The following KIF26B variants were observed in gnomAD, a reference collection of about 807,000 sequenced individuals.
KIF26B encodes the protein kinesin family member 26B, also known as kinesin-like protein KIF26B.
A neutral mutation model predicts 151.2 loss-of-function variants in KIF26B; 63 were observed. That is an observed-to-expected ratio of 0.42 (90% CI 0.34 to 0.51). The LOEUF (loss-of-function observed/expected upper bound fraction) is 0.51. Ranked by LOEUF, KIF26B falls within the 20% of genes least tolerant of loss-of-function variation. KIF26B has a pLI of 0.07. For missense variants in KIF26B, 2,813 were observed against 2,913.6 expected (o/e 0.97, Z 0.79); for synonymous variants, 1,357 against 1,262.1 (o/e 1.08, Z -1.59).
intron 2 of KIF26B, among the ~76,000 whole-genome samples, chr1:245,283,835 C>T (rs1047968707): frequency 6.6e-6 from 1 of 152,036 alleles, no homozygotes; most frequent in Admixed American, 6.6e-5. Flanking sequence ...CTACAGGTGC[C>T]CACCACCATG....
chr1:245,465,030 G>C (rs1388239718), intron 4 of KIF26B, among the ~76,000 whole-genome samples: 1 of 143,962 alleles, frequency 6.9e-6, no homozygotes, highest in Non-Finnish European at 1.5e-5. Flanking sequence ...CCAGGCTGGA[G>C]TGCAGGGGCG....
intron 5 of KIF26B, among the ~76,000 whole-genome samples, chr1:245,558,747 G>T (rs141998921): frequency 6.6e-6 from 1 of 152,162 alleles, no homozygotes; most frequent in African/African-American, 2.4e-5. Flanking sequence ...ACAACATAAC[G>T]TCGGGGAAAA....
chr1:245,446,590 C>A (rs1430886155), intron 4 of KIF26B, among the ~76,000 whole-genome samples: 1 of 152,086 alleles, frequency 6.6e-6, no homozygotes, highest in African/African-American at 2.4e-5. Context: ...AAGGCCATCT[C>A]CTTTTGGTCA....
intron 10 of KIF26B, among the ~76,000 whole-genome samples, chr1:245,681,356 C>T (rs2147949694): frequency 6.6e-6 from 1 of 152,168 alleles, no homozygotes; most frequent in Admixed American, 6.5e-5. Flanking sequence ...AATACAGGTG[C>T]CCGCCACCAC....
At chr1:245,541,568 G>A (rs1334547852) in intron 5 of KIF26B, among the ~76,000 whole-genome samples, 2 of 152,210 alleles carry the variant, frequency 1.3e-5, no homozygotes, top group Non-Finnish European at 2.9e-5. Flanking sequence ...TCCGAGGAAA[G>A]CGTTTGGGTG....
chr1:245,269,677 C>T (rs11587597), intron 2 of KIF26B, among the ~76,000 whole-genome samples: 151,356 of 152,074 alleles, frequency 1, 75,326 homozygotes, highest in South Asian at 1. Flanking sequence ...GTTGGCCAGG[C>T]TGATCTCGAA....
chr1:245,383,979 C>G (rs771969915), intron 3 of KIF26B, among the ~76,000 whole-genome samples: 1 of 152,206 alleles, frequency 6.6e-6, no homozygotes, highest in Non-Finnish European at 1.5e-5. Flanking sequence ...ACTGTGCAGA[C>G]AGCAAAGAGA....
At chr1:245,671,384 G>A (rs896427637) in intron 10 of KIF26B, among the ~76,000 whole-genome samples, 26 of 152,162 alleles carry the variant, frequency 1.7e-4, no homozygotes, top group African/African-American at 5.8e-4. Flanking sequence ...ACACCCCAAA[G>A]GACAAATATT....
chr1:245,435,085 A>ATCTC (rs1266082880), intron 4 of KIF26B, among the ~76,000 whole-genome samples: 14 of 150,118 alleles, frequency 9.3e-5, no homozygotes, highest in African/African-American at 3.4e-4. Context: ...CCATCCATCC[A>ATCTC]TCCATCCATC....
intron 2 of KIF26B, among the ~76,000 whole-genome samples, chr1:245,299,330 T>G (rs935794756): frequency 2.7e-5 from 4 of 150,404 alleles, no homozygotes; most frequent in African/African-American, 4.9e-5. Flanking sequence ...GTTTTTTTTT[T>G]TTTTTTTTTT....
intron 2 of KIF26B, among the ~76,000 whole-genome samples, chr1:245,233,604 A>T (rs1670042840): frequency 6.6e-6 from 1 of 152,166 alleles, no homozygotes; most frequent in African/African-American, 2.4e-5. Context: ...CTAGAACAAG[A>T]TTGATTTGCC....
chr1:245,686,974 G>C lies in KIF26B; in HGVS notation c.3991G>C (p.Glu1331Gln), dbSNP rs995731813. ...CCAGAACACCGCTGTGGTGTGCAGAGAGAAGCCCAAGGCCAGCCCCGACAA... is the reference window on the plus strand; with the variant it reads ...CCAGAACACCGCTGTGGTGTGCAGACAGAAGCCCAAGGCCAGCCCCGACAA... ...SLQNTAVVCR[E>Q]KPKASPDNLL... is the part of the protein sequence containing the mutation. Residue 1331 changes from glutamate to glutamine, a missense_variant, in exon 12 of 15, where the codon GAG becomes CAG. Around this residue, in one of 3 missense-constraint regions of KIF26B, gnomAD observed 2,060 missense variants for 2,088.6 expected, o/e 0.99. Transcript: ENST00000407071. The surrounding 1 kb of genome is among the most constrained non-coding windows in gnomAD (Gnocchi z 5.6). The C allele has an allele frequency of 6.2e-7, 1 of 1,613,612 alleles. No individual in the cohort carries two copies. The highest frequency in any genetic ancestry group is 8.5e-7 in the Non-Finnish European group (1 of 1,179,834).
chr1:245,260,658 G>A (rs536692223), intron 2 of KIF26B, among the ~76,000 whole-genome samples: 24 of 152,292 alleles, frequency 1.6e-4, no homozygotes, highest in African/African-American at 5.3e-4. Context: ...CAGGAAGAGG[G>A]AAGTACTTCT....
intron 2 of KIF26B, among the ~76,000 whole-genome samples, chr1:245,356,852 A>G (rs1273086088): frequency 2.0e-5 from 3 of 152,068 alleles, no homozygotes; most frequent in African/African-American, 4.8e-5. Flanking sequence ...GTGGTTAGGG[A>G]GTGTTGGGGC....
chr1:245,565,977 G>A (rs2043005446), intron 5 of KIF26B, among the ~76,000 whole-genome samples: 1 of 152,208 alleles, frequency 6.6e-6, no homozygotes, highest in African/African-American at 2.4e-5. Flanking sequence ...ATAGAGAGAA[G>A]GGGGAGGCCC....
chr1:245,416,778 G>A (rs1173653), intron 3 of KIF26B, among the ~76,000 whole-genome samples: 87,223 of 151,994 alleles, frequency 0.57, 25,889 homozygotes, highest in Middle Eastern at 0.68. Context: ...GCCCTGGAGT[G>A]TGAAACTGAG....
chr1:245,280,267 A>G (rs1334805385), intron 2 of KIF26B, among the ~76,000 whole-genome samples: 1 of 151,306 alleles, frequency 6.6e-6, no homozygotes, highest in South Asian at 2.1e-4. Flanking sequence ...TAATCCCAGC[A>G]CTTTGGGAGG....
intron 6 of KIF26B, among the ~76,000 whole-genome samples, chr1:245,604,770 GC>G (rs1387035665): frequency 8.5e-5 from 13 of 152,190 alleles, no homozygotes; most frequent in African/African-American, 3.1e-4. Context: ...ATTTCAGAAT[GC>G]CTTACTTTCA....
chr1:245,186,775 T>G (rs1669007625), intron 2 of KIF26B, among the ~76,000 whole-genome samples: 1 of 152,188 alleles, frequency 6.6e-6, no homozygotes, highest in African/African-American at 2.4e-5. Context: ...GCAAAGAGTA[T>G]TATTATATCA....
Sources: allele counts gnomAD v4.1 joint callset (sites outside exome capture counted in the v4.1 genomes callset), GRCh38; gene constraint gnomAD v4.1.1; regional missense constraint gnomAD v4.1.1; non-coding constraint Gnocchi (gnomAD v3.1); transcripts MANE v1.5; gene names NCBI Gene and HGNC (gene_info 2026-07-23, HGNC 2026-07-21).